GRM5: variants seen among roughly 807,000 people sequenced by gnomAD.
GRM5 encodes metabotropic glutamate receptor 5.
A neutral mutation model predicts 83.1 loss-of-function variants in GRM5; 19 were observed. The observed-to-expected ratio is 0.23, with a 90% CI of 0.16 to 0.34. The LOEUF (loss-of-function observed/expected upper bound fraction) is 0.34. GRM5 is among the 10% of genes least tolerant of loss of function. The pLI is 1.00. For synonymous variants in GRM5, 675 were observed against 633.6 expected (o/e 1.07, Z -0.98); for missense variants, 1,160 against 1,588.3 (o/e 0.73, Z 4.58).
intron 9 of GRM5, among the ~76,000 whole-genome samples, chr11:88,515,219 A>G (rs1941490177): frequency 6.6e-6 from 1 of 152,116 alleles, no homozygotes; most frequent in Non-Finnish European, 1.5e-5. Flanking sequence ...TATGCCAAGC[A>G]TTGGAATTGT....
At chr11:88,820,392 A>AAAAAAAAG (rs1170201961) in intron 3 of GRM5, among the ~76,000 whole-genome samples, 54 of 149,232 alleles carry the variant, frequency 3.6e-4, no homozygotes, top group African/African-American at 1.3e-3. Flanking sequence ...AAAAAAAAAA[A>AAAAAAAAG]AGCCAATATA....
At position 88,888,361 on chromosome 11, in the gene GRM5, G is replaced by T. The variant is rs577588456; in HGVS notation, c.662-38206C>A. 4.6e-5 allele frequency among the ~76,000 whole-genome samples: 7 copies of T among 152,222 alleles called. No individual in the cohort carries two copies. In the South Asian group the frequency reaches 1.5e-3, roughly 32 times the overall value. ...ATAGGTCTCCTATAGTAGGCCAAAT[G>T]GGAAAAGAGAAGATAGAGAAAGTGA... On this transcript the variant is annotated intron_variant, in intron 2 of 9. Coordinates refer to ENST00000305447, the MANE Select transcript of GRM5 (RefSeq NM_001143831.3).
intron 3 of GRM5, among the ~76,000 whole-genome samples, chr11:88,809,627 A>C (rs1943555232): frequency 6.6e-6 from 1 of 152,088 alleles, no homozygotes; most frequent in Non-Finnish European, 1.5e-5. Flanking sequence ...TAATAAACAT[A>C]CACTTGGGCA....
rs994041465 is a variant in GRM5, at chr11:89,017,315, C to T, written c.661+29897G>A. ...TCTTCTGTTAATACTAGTTTATGCC[C>T]TACAAAATAAACTTTATTGAGAATG... On this transcript the variant is annotated intron_variant, in intron 2 of 9. Transcript: ENST00000305447. 3.9e-5 allele frequency among the ~76,000 whole-genome samples: 6 copies of T among 152,218 alleles called. No homozygotes were observed. In the East Asian group the frequency reaches 1.2e-3, roughly 29 times the overall value.
chr11:89,002,802 C>T (rs1428339812), intron 2 of GRM5, among the ~76,000 whole-genome samples: 2 of 152,080 alleles, frequency 1.3e-5, no homozygotes, highest in Non-Finnish European at 2.9e-5. Context: ...ATTCCCACTG[C>T]TCAGAATGCT....
chr11:88,992,046 C>A (rs1939995621), intron 2 of GRM5, among the ~76,000 whole-genome samples: 1 of 152,032 alleles, frequency 6.6e-6, no homozygotes, highest in Non-Finnish European at 1.5e-5. Flanking sequence ...TTCTGTACAG[C>A]AAAAGAAACT....
intron 3 of GRM5, among the ~76,000 whole-genome samples, chr11:88,813,285 A>T (rs1043749990): frequency 5.9e-5 from 9 of 152,164 alleles, no homozygotes; most frequent in African/African-American, 2.2e-4. Context: ...GGGGGTACTA[A>T]ATGCTGTCTG....
chr11:88,591,176 A>G (rs1937633046), intron 6 of GRM5, among the ~76,000 whole-genome samples: 2 of 152,140 alleles, frequency 1.3e-5, no homozygotes, highest in African/African-American at 4.8e-5. Flanking sequence ...ATATTTCCTA[A>G]TCTTCTAAAA....
At chr11:88,588,075 T>C (rs776020602) in intron 7 of GRM5, among the ~76,000 whole-genome samples, 3 of 152,186 alleles carry the variant, frequency 2.0e-5, no homozygotes, top group Non-Finnish European at 4.4e-5. Context: ...CATTATTCAG[T>C]AGCAAGATCA....
intron 3 of GRM5, among the ~76,000 whole-genome samples, chr11:88,717,691 C>T (rs1941429014): frequency 6.6e-6 from 1 of 151,552 alleles, no homozygotes; most frequent in Non-Finnish European, 1.5e-5. Context: ...AGAAAATGTC[C>T]ATAGCACAAG....
chr11:88,824,949 CAT>C (rs1385846633), intron 3 of GRM5, among the ~76,000 whole-genome samples: 3 of 152,132 alleles, frequency 2.0e-5, no homozygotes, highest in African/African-American at 7.2e-5. Context: ...ATACTACATG[CAT>C]AGTCATATTT....
chr11:88,689,041 GA>G (rs1940715575), intron 3 of GRM5, among the ~76,000 whole-genome samples: 1 of 152,028 alleles, frequency 6.6e-6, no homozygotes, highest in Non-Finnish European at 1.5e-5. Flanking sequence ...AATGCTCACA[GA>G]ATCTAGTACA....
chr11:88,713,558 T>A (rs1262303063), intron 3 of GRM5, among the ~76,000 whole-genome samples: 1 of 152,066 alleles, frequency 6.6e-6, no homozygotes, highest in Non-Finnish European at 1.5e-5. Context: ...ATGATGCTGT[T>A]ATATGAAGAA....
chr11:89,010,752 T>A (rs893413294), intron 2 of GRM5, among the ~76,000 whole-genome samples: 2 of 150,968 alleles, frequency 1.3e-5, no homozygotes, highest in Non-Finnish European at 2.9e-5. Flanking sequence ...TACAACTGGA[T>A]AATGGGAGAA....
At chr11:89,065,431 C>G (rs375946332) in intron 1 of GRM5, among the ~76,000 whole-genome samples, 1 of 150,814 alleles carries the variant, frequency 6.6e-6, no homozygotes, top group East Asian at 2.0e-4. Flanking sequence ...TCTATGGAAA[C>G]AAGCCCACTT....
At chr11:88,749,082 T>C (rs914301590) in intron 3 of GRM5, among the ~76,000 whole-genome samples, 2 of 152,144 alleles carry the variant, frequency 1.3e-5, no homozygotes, top group Admixed American at 6.5e-5. Context: ...GACCCAGAAC[T>C]GGACTGAGGC....
intron 2 of GRM5, among the ~76,000 whole-genome samples, chr11:88,884,683 G>A (rs2135576983): frequency 6.6e-6 from 1 of 152,282 alleles, no homozygotes; most frequent in South Asian, 2.1e-4. Context: ...CCAGTGGGAG[G>A]TAACTGAATG....
chr11:88,532,470 T>A (rs1297651163), intron 8 of GRM5, among the ~76,000 whole-genome samples: 4 of 152,172 alleles, frequency 2.6e-5, no homozygotes, highest in African/African-American at 9.7e-5. Flanking sequence ...GGGATTTTCA[T>A]ACCAAAATTG....
intron 7 of GRM5, among the ~76,000 whole-genome samples, chr11:88,590,351 T>C (rs1007206522): frequency 2.0e-5 from 3 of 152,176 alleles, no homozygotes; most frequent in Non-Finnish European, 4.4e-5. Flanking sequence ...GAGGGAAGAA[T>C]GCCCAGTAGA....
Sources: allele counts gnomAD v4.1 joint callset (sites outside exome capture counted in the v4.1 genomes callset), GRCh38; gene constraint gnomAD v4.1.1; transcripts MANE v1.5; gene names NCBI Gene and HGNC (gene_info 2026-07-23, HGNC 2026-07-21).